Variants in HRH2 observed in about 807,000 individuals in gnomAD.
HRH2 encodes histamine receptor H2, also known as histamine H2 receptor.
In HRH2, 4 loss-of-function variants were observed where a neutral mutation model predicts 20.1. The observed-to-expected ratio is 0.20, with a 90% CI of 0.10 to 0.45. The LOEUF is 0.45. Ranked by LOEUF, HRH2 falls within the 20% of genes least tolerant of loss-of-function variation. The probability of loss-of-function intolerance (pLI) is 0.99; values close to 1 mark genes in which losing one functional copy is unlikely to be tolerated. For synonymous variants in HRH2, 197 were observed against 200.7 expected (o/e 0.98, Z 0.16); for missense variants, 250 against 461.6 (o/e 0.54, Z 4.20).
chr5:175,695,975 G>A (rs1756563208), intron 2 of HRH2, among the ~76,000 whole-genome samples: 1 of 152,266 alleles, frequency 6.6e-6, no homozygotes, highest in Non-Finnish European at 1.5e-5. Context: ...CAACAGCCCA[G>A]GTGATTCCCA....
At chr5:175,688,171 C>T (rs1384641167) in intron 2 of HRH2, among the ~76,000 whole-genome samples, 2 of 152,230 alleles carry the variant, frequency 1.3e-5, no homozygotes, top group African/African-American at 4.8e-5. Context: ...CACGGAGGCC[C>T]GCCTGGGTAA....
At chr5:175,682,223 G>T (rs527683661) in intron 1 of HRH2, among the ~76,000 whole-genome samples, 2 of 152,218 alleles carry the variant, frequency 1.3e-5, no homozygotes, top group Admixed American at 1.3e-4. Flanking sequence ...GTCGGCCACC[G>T]CCTTAGAGTA....
chr5:175,675,151 A>G (rs1277523913), intron 1 of HRH2, among the ~76,000 whole-genome samples: 1 of 152,242 alleles, frequency 6.6e-6, no homozygotes, highest in East Asian at 1.9e-4. Flanking sequence ...TGGGGAAAAG[A>G]AAAATCTCTT....
intron 2 of HRH2, 89 bp downstream of exon 2, chr5:175,684,398 G>A (rs1756095538): frequency 6.6e-7 from 1 of 1,523,824 alleles, no homozygotes; most frequent in South Asian, 1.3e-5. Context: ...CTGTTTAGGT[G>A]GTGCTGGTTT....
intron 1 of HRH2, among the ~76,000 whole-genome samples, chr5:175,672,667 CTG>C (rs1407740619): frequency 2.0e-5 from 3 of 152,172 alleles, no homozygotes; most frequent in Non-Finnish European, 4.4e-5. Flanking sequence ...CATTATGTGC[CTG>C]TTGGGGAGCA....
chr5:175,672,162 G>A (rs1288336843), intron 1 of HRH2, among the ~76,000 whole-genome samples: 1 of 152,192 alleles, frequency 6.6e-6, no homozygotes, highest in Non-Finnish European at 1.5e-5. Flanking sequence ...AAACTTGCTT[G>A]AGGTAACACA....
At chr5:175,692,022 G>A (rs539099317) in intron 2 of HRH2, among the ~76,000 whole-genome samples, 1 of 152,278 alleles carries the variant, frequency 6.6e-6, no homozygotes, top group East Asian at 1.9e-4. Flanking sequence ...TGATGCTTTT[G>A]TGCAGAAAAC....
At chr5:175,672,393 C>T (rs972314457) in intron 1 of HRH2, among the ~76,000 whole-genome samples, 1 of 152,208 alleles carries the variant, frequency 6.6e-6, no homozygotes, top group Non-Finnish European at 1.5e-5. Flanking sequence ...CTCCCCAGGC[C>T]TCTGCCACGC....
chr5:175,666,462 C>T (rs1016746196), intron 1 of HRH2, among the ~76,000 whole-genome samples: 3 of 152,108 alleles, frequency 2.0e-5, no homozygotes, highest in African/African-American at 4.8e-5. Flanking sequence ...AGTCTCACTC[C>T]GTCACTGAGG....
chr5:175,667,344 T>C (rs891494688), intron 1 of HRH2, among the ~76,000 whole-genome samples: 1 of 151,996 alleles, frequency 6.6e-6, no homozygotes, highest in African/African-American at 2.4e-5. Context: ...CTCAGGAGGC[T>C]AAGCCAGGAG....
chr5:175,683,024 T>A lies in HRH2; in HGVS notation c.-210T>A. On this transcript the variant is annotated 5_prime_UTR_variant, in exon 2 of 3. Coordinates refer to ENST00000636584, the MANE Select transcript of HRH2 (RefSeq NM_001367711.1). ...TATTCATTCCCAACACCTTAGAAGGTGTTGCTTAATTTATTTCTAGAAAAG... is the reference window on the plus strand; with the variant it reads ...TATTCATTCCCAACACCTTAGAAGGAGTTGCTTAATTTATTTCTAGAAAAG... 2 of 601,516 alleles carry A rather than the reference T, an allele frequency of 3.3e-6. No individual in the cohort carries two copies. Among genetic ancestry groups the A allele is most frequent in the East Asian group, 5.5e-5 (2 of 36,380 alleles). The allele number at this position is 601,516 out of a possible 1,614,324, so 37.3% of individuals were successfully genotyped here.
chr5:175,664,886 C>A (rs1456654033), intron 1 of HRH2, among the ~76,000 whole-genome samples: 1 of 152,162 alleles, frequency 6.6e-6, no homozygotes, highest in Non-Finnish European at 1.5e-5. Context: ...GATCTTCTTG[C>A]CGTGGCCTCT....
At chr5:175,664,031 T>C (rs1428487453) in intron 1 of HRH2, among the ~76,000 whole-genome samples, 1 of 152,212 alleles carries the variant, frequency 6.6e-6, no homozygotes, top group Non-Finnish European at 1.5e-5. Context: ...GAAGTGTGGC[T>C]GGAGCCAAGT....
chr5:175,682,972 G>T lies in HRH2; in HGVS notation c.-262G>T. 4.6e-6 allele frequency: 2 copies of T among 433,922 alleles called. No homozygotes were observed. Among genetic ancestry groups the T allele is most frequent in the African/African-American group, 2.0e-5 (1 of 50,208 alleles). The allele number at this position is 433,922 out of a possible 1,614,324, so 26.9% of individuals were successfully genotyped here. A position where few individuals can be genotyped will look rare whatever the true frequency, so the allele number is the denominator to read the frequency against. Reference sequence around the variant, plus strand: ...TTTGATCCATGAACCTGGCTTCGAGGCCTTGCTTTTCTCTCTTCTTCATTC... The same window carrying T: ...TTTGATCCATGAACCTGGCTTCGAGTCCTTGCTTTTCTCTCTTCTTCATTC... On this transcript the variant is annotated 5_prime_UTR_variant, in exon 2 of 3. Coordinates refer to ENST00000636584, the MANE Select transcript of HRH2 (RefSeq NM_001367711.1).
chr5:175,697,273 C>G (rs528925611), intron 2 of HRH2, among the ~76,000 whole-genome samples: 1 of 152,122 alleles, frequency 6.6e-6, no homozygotes, highest in East Asian at 1.9e-4. Context: ...ACCATCCTGG[C>G]TAACACGGTG....
Position 175,683,170 on chromosome 5 carries a change from C to T in HRH2, c.-64C>T, listed in dbSNP as rs1756049233. 6.5e-7 allele frequency: 1 copy of T among 1,548,574 alleles called. No homozygotes were observed. Among genetic ancestry groups the T allele is most frequent in the Non-Finnish European group, 8.7e-7 (1 of 1,145,760 alleles). On this transcript the variant is annotated 5_prime_UTR_variant, in exon 2 of 3. Coordinates refer to ENST00000636584, the MANE Select transcript of HRH2 (RefSeq NM_001367711.1). ...AGTCCAGTGGTTGGCATAGTTGTCA[C>T]ATTGGGAGCAGAGAAGAAGCAACCA...
rs1192811344 is a variant in HRH2 at position 175,683,739 on chromosome 5, A to T, written c.506A>T (p.His169Leu). 6.2e-7 allele frequency: 1 copy of T among 1,614,182 alleles called. No homozygotes were observed. Among genetic ancestry groups the T allele is most frequent in the Admixed American group, 1.7e-5 (1 of 60,020 alleles). Reference sequence around the variant, plus strand: ...AGGAACGAGACCAGCAAGGGCAATCATACCACCTCTAAGTGCAAAGTCCAG... The same window carrying T: ...AGGAACGAGACCAGCAAGGGCAATCTTACCACCTCTAAGTGCAAAGTCCAG... ...NSRNETSKGN[H>L]TTSKCKVQVN... The change falls in exon 2 of 3, where the codon CAT becomes CTT. Residue 169 changes from histidine to leucine, a missense_variant. Physicochemically the swap from His to Leu is moderately conservative, Grantham distance 99. This residue lies in a region of HRH2 where 27 missense variants were observed against 28.6 expected (regional missense o/e 0.94). Coordinates refer to ENST00000636584, the MANE Select transcript of HRH2 (RefSeq NM_001367711.1).
At position 175,683,174 on chromosome 5, in the gene HRH2, G is replaced by T; in HGVS notation, c.-60G>T. Reference sequence around the variant, plus strand: ...CAGTGGTTGGCATAGTTGTCACATTGGGAGCAGAGAAGAAGCAACCAGGGG... The same window carrying T: ...CAGTGGTTGGCATAGTTGTCACATTTGGAGCAGAGAAGAAGCAACCAGGGG... On this transcript the variant is annotated 5_prime_UTR_variant, in exon 2 of 3. Transcript: ENST00000636584. 1.3e-6 allele frequency: 2 copies of T among 1,557,698 alleles called. No homozygotes were observed. Among genetic ancestry groups the T allele is most frequent in the Non-Finnish European group, 1.7e-6 (2 of 1,149,842 alleles).
intron 1 of HRH2, among the ~76,000 whole-genome samples, chr5:175,667,774 G>T (rs1762951605): frequency 6.6e-6 from 1 of 152,040 alleles, no homozygotes; most frequent in Non-Finnish European, 1.5e-5. Flanking sequence ...TTCTAGTTTT[G>T]AACATATAGG....
Sources: gnomAD v4.1 joint callset for allele counts (sites outside exome capture counted in the v4.1 genomes callset) on GRCh38, gnomAD v4.1.1 for gene constraint, gnomAD v4.1.1 regional missense constraint, MANE v1.5 for transcripts, NCBI Gene and HGNC (gene_info 2026-07-23, HGNC 2026-07-21) for gene names.